The following KCNJ15 variants were observed in gnomAD, a reference collection of about 807,000 sequenced individuals.
KCNJ15 encodes the protein ATP-sensitive inward rectifier potassium channel 15.
In KCNJ15, 14 loss-of-function variants were observed where a neutral mutation model predicts 23.0. The ratio of observed to expected loss-of-function variants is 0.61; its 90% confidence interval spans 0.40 to 0.95. The LOEUF is 0.95. Among genes scored for constraint, KCNJ15 ranks in the 40% least tolerant of loss-of-function variants. The pLI is 0.00. For missense variants in KCNJ15, 388 were observed against 461.8 expected, an observed-to-expected ratio of 0.84 and a Z score of 1.46; for synonymous variants, 185 against 183.2, an observed-to-expected ratio of 1.01 and a Z score of -0.08.
At chr21:38,275,874 T>G (rs1982637037) in intron 1 of KCNJ15, among the ~76,000 whole-genome samples, 1 of 152,194 alleles carries the variant, frequency 6.6e-6, no homozygotes, top group Non-Finnish European at 1.5e-5. Flanking sequence ...AGAAAACACA[T>G]GATAACTTCT....
Position 38,241,832 on chromosome 21 carries a change from T to A in KCNJ15, c.-398-15214T>A, listed in dbSNP as rs546852561. Among the ~76,000 whole-genome samples the A allele has an allele frequency of 6.6e-5, 10 of 151,832 alleles. 1 individual carries two copies. The highest frequency in any genetic ancestry group is 2.4e-4 in the African/African-American group (10 of 41,378). ...AATACAAAAAAAATTAGCTGGACAT[T>A]GTGATGGGCACCTGTAATCCCAGCT... On this transcript the variant is annotated intron_variant, in intron 1 of 4. Transcript: ENST00000547341.
intron 1 of KCNJ15, among the ~76,000 whole-genome samples, chr21:38,273,507 C>T (rs191067004): frequency 6.6e-6 from 1 of 152,348 alleles, no homozygotes; most frequent in Non-Finnish European, 1.5e-5. Context: ...CTATTCATGT[C>T]TAATACTTTT....
chr21:38,299,440 A>G lies in KCNJ15; in HGVS notation c.179A>G (p.Asp60Gly). ...CAAGACCTGTGGACCACAGTTATCGACATGAAGTGGAGATACAAACTCACC... is the reference window on the plus strand; with the variant it reads ...CAAGACCTGTGGACCACAGTTATCGGCATGAAGTGGAGATACAAACTCACC... ...YLQDLWTTVI[D>G]MKWRYKLTLF... Residue 60 changes from aspartate to glycine, a missense_variant, in exon 3 of 3, where the codon GAC (aspartate) becomes GGC (glycine). By Grantham distance (94) the Asp-to-Gly change is moderately conservative. Transcript: ENST00000398938. The surrounding 1 kb of genome is among the most constrained non-coding windows in gnomAD (Gnocchi z 4.5). The G allele has an allele frequency of 1.2e-6, 2 of 1,614,182 alleles. No individual in the cohort carries two copies. The highest frequency in any genetic ancestry group is 1.3e-5 in the African/African-American group (1 of 75,052).
intron 1 of KCNJ15, among the ~76,000 whole-genome samples, chr21:38,295,645 G>T (rs1055980570): frequency 3.3e-5 from 5 of 151,844 alleles, no homozygotes; most frequent in Non-Finnish European, 7.4e-5. Context: ...AACTGTTATT[G>T]TTGCTTACCA....
In KCNJ15 at chr21:38,294,018, C is replaced by T. The variant is rs111275952; in HGVS notation, c.-116-2908C>T. Reference sequence around the variant, plus strand: ...GGCCAAAGGTCATGGTGCATGTGCTCCTGTGACCACAGTCGAGGGAGCCCA... The same window carrying T: ...GGCCAAAGGTCATGGTGCATGTGCTTCTGTGACCACAGTCGAGGGAGCCCA... On this transcript the variant is annotated intron_variant, in intron 1 of 2. Transcript: ENST00000398938. Among the ~76,000 whole-genome samples, 541 of 152,040 alleles carry T rather than the reference C, an allele frequency of 3.6e-3. 1 individual carries two copies. The highest frequency in any genetic ancestry group is 0.014 in the Middle Eastern group (4 of 294).
intron 1 of KCNJ15, among the ~76,000 whole-genome samples, chr21:38,244,985 A>G (rs988453150): frequency 2.6e-5 from 4 of 152,130 alleles, no homozygotes; most frequent in Non-Finnish European, 4.4e-5. Flanking sequence ...GAGCTAGTTA[A>G]CACATGGGTA....
chr21:38,266,245 G>A (rs892285941), intron 1 of KCNJ15, among the ~76,000 whole-genome samples: 2 of 152,062 alleles, frequency 1.3e-5, no homozygotes, highest in Non-Finnish European at 1.5e-5. Context: ...CCATCAACCC[G>A]TCATCTACAT....
At position 38,301,994 on chromosome 21, in the gene KCNJ15, GTGCACACACGCACACA is replaced by G. The variant is rs546854864; in HGVS notation, c.*1615_*1630del. 7.0e-3 allele frequency: 1,024 copies of G among 147,210 alleles called. 6 individuals are homozygous for G. The highest frequency in any genetic ancestry group is 0.021 in the Middle Eastern group (6 of 280). 9.1% of individuals were successfully genotyped at this position (147,210 alleles called of 1,614,324 possible). ...CACACACACACATGCACACACGCGC[GTGCACACACGCACACA>G]TGCACACACACATACGCACACGTAA... On this transcript the variant is annotated 3_prime_UTR_variant, in exon 3 of 3. Coordinates refer to ENST00000398938, the MANE Select transcript of KCNJ15 (RefSeq NM_170736.3).
At chr21:38,285,035 T>G (rs764816806) in intron 1 of KCNJ15, among the ~76,000 whole-genome samples, 9 of 152,226 alleles carry the variant, frequency 5.9e-5, no homozygotes, top group Non-Finnish European at 1.3e-4. Flanking sequence ...GCTTAGCACA[T>G]AGTTGGTGCT....
chr21:38,269,128 A>G (rs1981808671), intron 1 of KCNJ15: 1 of 152,238 alleles, frequency 6.6e-6, no homozygotes, highest in Admixed American at 6.5e-5. Context: ...TCTGTCTTCT[A>G]TCTTATGAAT....
chr21:38,276,614 A>G (rs1349030992), intron 1 of KCNJ15, among the ~76,000 whole-genome samples: 1 of 152,198 alleles, frequency 6.6e-6, no homozygotes, highest in Non-Finnish European at 1.5e-5. Flanking sequence ...ACTGGGCTTA[A>G]TACCTGGGTG....
Position 38,243,491 on chromosome 21 carries a change from G to A in KCNJ15, c.-398-13555G>A, listed in dbSNP as rs564021471. On this transcript the variant is annotated intron_variant, in intron 1 of 4. Transcript: ENST00000547341. The stretch of plus-strand genomic sequence containing the variant: ...GGCTGGAATGCAGTGGCGTGATCTC[G>A]GCTCACTGCAACCCCCACCTCCCAG... 1.3e-3 allele frequency among the ~76,000 whole-genome samples: 199 copies of A among 152,174 alleles called. 1 individual carries two copies. The highest frequency in any genetic ancestry group is 2.3e-3 in the Non-Finnish European group (156 of 67,992).
chr21:38,249,901 T>G (rs1348581488), intron 1 of KCNJ15, among the ~76,000 whole-genome samples: 1 of 152,208 alleles, frequency 6.6e-6, no homozygotes, highest in African/African-American at 2.4e-5. Context: ...TTTAGCTTAA[T>G]GTATTTGTTG....
At chr21:38,233,351 G>A (rs1052941052) in intron 1 of KCNJ15, among the ~76,000 whole-genome samples, 4 of 151,984 alleles carry the variant, frequency 2.6e-5, no homozygotes, top group African/African-American at 9.7e-5. Flanking sequence ...ACAATATATA[G>A]CTGAATCTTG....
At chr21:38,296,201 A>C (rs996308315) in intron 1 of KCNJ15, among the ~76,000 whole-genome samples, 1 of 152,214 alleles carries the variant, frequency 6.6e-6, no homozygotes, top group African/African-American at 2.4e-5. Flanking sequence ...AAATAGATAG[A>C]TAATTGATAG....
chr21:38,275,861 T>C (rs1416741349), intron 1 of KCNJ15, among the ~76,000 whole-genome samples: 2 of 152,176 alleles, frequency 1.3e-5, no homozygotes, highest in Non-Finnish European at 2.9e-5. Flanking sequence ...TTTTTTTTCC[T>C]ACAGAAAACA....
At chr21:38,279,574 G>T (rs1983106278) in intron 1 of KCNJ15, among the ~76,000 whole-genome samples, 2 of 152,116 alleles carry the variant, frequency 1.3e-5, no homozygotes, top group South Asian at 4.1e-4. Flanking sequence ...AAATGTATTT[G>T]CCAGCTGAGT....
At chr21:38,295,658 T>A (rs1173489102) in intron 1 of KCNJ15, among the ~76,000 whole-genome samples, 1 of 152,196 alleles carries the variant, frequency 6.6e-6, no homozygotes, top group Non-Finnish European at 1.5e-5. Context: ...GCTTACCATG[T>A]TAGAAGTTAA....
At chr21:38,270,560 C>G (rs1023222837) in intron 1 of KCNJ15, among the ~76,000 whole-genome samples, 3 of 152,152 alleles carry the variant, frequency 2.0e-5, no homozygotes, top group Non-Finnish European at 2.9e-5. Context: ...TTTAACTCCT[C>G]CTAGAAGGTC....
Sources: allele counts gnomAD v4.1 joint callset (sites outside exome capture counted in the v4.1 genomes callset), GRCh38; gene constraint gnomAD v4.1.1; non-coding constraint Gnocchi (gnomAD v3.1); transcripts MANE v1.5; gene names NCBI Gene and HGNC (gene_info 2026-07-23, HGNC 2026-07-21).